The following CDC25C variants were observed in gnomAD, a reference collection of about 807,000 sequenced individuals.
The protein encoded by CDC25C is M-phase inducer phosphatase 3.
In CDC25C, 48 loss-of-function variants were observed where a neutral mutation model predicts 52.5. That is an observed-to-expected ratio of 0.91 (90% CI 0.72 to 1.16). The LOEUF is 1.16. Among genes scored for constraint, CDC25C ranks in the 50% most tolerant of loss-of-function variants. The pLI, the probability that CDC25C is intolerant of heterozygous loss-of-function variation, is 0.00. For missense variants in CDC25C, 510 were observed against 566.1 expected, an observed-to-expected ratio of 0.90 and a Z score of 1.01; for synonymous variants, 187 against 206.5, an observed-to-expected ratio of 0.91 and a Z score of 0.81.
intron 7 of CDC25C, among the ~76,000 whole-genome samples, chr5:138,308,890 A>C (rs1758232740): frequency 6.6e-6 from 1 of 152,118 alleles, no homozygotes; most frequent in African/African-American, 2.4e-5. Context: ...CATGGGTATC[A>C]CACCTTACCT....
intron 6 of CDC25C, among the ~76,000 whole-genome samples, chr5:138,325,302 T>A (rs1487490095): frequency 2.0e-5 from 3 of 152,156 alleles, no homozygotes; most frequent in African/African-American, 7.2e-5. Context: ...ACTATCTTAG[T>A]GATGAGGTGG....
chr5:138,316,629 T>A (rs1661454531), intron 7 of CDC25C, among the ~76,000 whole-genome samples: 1 of 152,010 alleles, frequency 6.6e-6, no homozygotes, highest in Admixed American at 6.5e-5. Context: ...AAGCACTTTC[T>A]CCCCTCTGAG....
At position 138,330,987 on chromosome 5, in the gene CDC25C, C is replaced by T. The variant is rs1760327230; in HGVS notation, c.194G>A (p.Gly65Glu). ...AGTGTAAAAATAAAAGTATATTTAC[C>T]CAGACAAAATGCTTAGGTTTGCAGA... ...GDSANLSILS[G>E]GTPKRCLDLS... The change falls in exon 2 of 14, where the codon GGA (glycine) becomes GAA (glutamate). Residue 65 changes from glycine (G) to glutamate (E), a missense_variant and splice_region_variant. Gly to Glu is a moderately conservative substitution (Grantham distance 98). Coordinates refer to ENST00000323760, the MANE Select transcript of CDC25C (RefSeq NM_001790.5). 1.9e-6 allele frequency: 3 copies of T among 1,596,512 alleles called. No homozygotes were observed. The highest frequency in any genetic ancestry group is 2.6e-6 in the Non-Finnish European group (3 of 1,164,232).
chr5:138,338,155 T>C, exon 1 of CDC25C: 1 of 1,289,594 alleles, frequency 7.8e-7, no homozygotes, highest in Non-Finnish European at 1.0e-6. Flanking sequence ...GCGCCCTCCA[T>C]GGGTGGCTTG....
intron 7 of CDC25C, among the ~76,000 whole-genome samples, chr5:138,317,682 T>TAAAAAAAAAAAA (rs70982706): frequency 1.8e-5 from 1 of 54,262 alleles, no homozygotes; most frequent in African/African-American, 7.7e-5. Context: ...CCTGTCTATC[T>TAAAAAAAAAAAA]AAAAAAAAAA....
At position 138,331,198 on chromosome 5, in the gene CDC25C, CAGG is replaced by C. The variant is rs758394345; in HGVS notation, c.-21_-19del. 1 of 1,613,196 alleles carries C rather than the reference CAGG, an allele frequency of 6.2e-7. No homozygotes were observed. The highest frequency in any genetic ancestry group is 1.1e-5 in the South Asian group (1 of 91,072). On this transcript the variant is annotated 5_prime_UTR_variant, in exon 2 of 14. Coordinates refer to ENST00000323760, the MANE Select transcript of CDC25C (RefSeq NM_001790.5). ...GTAGACATGGTCTTCGAATTCTCACCAGGAGAAAAACAAAACCTAGCTAGGAGG... is the reference window on the plus strand; with the variant it reads ...GTAGACATGGTCTTCGAATTCTCACCAGAAAAACAAAACCTAGCTAGGAGG...
chr5:138,308,985 A>G (rs1758239132), intron 7 of CDC25C, among the ~76,000 whole-genome samples: 2 of 152,130 alleles, frequency 1.3e-5, no homozygotes, highest in African/African-American at 4.8e-5. Context: ...ATGGATGTAT[A>G]CTGCTTAGCA....
intron 7 of CDC25C, among the ~76,000 whole-genome samples, chr5:138,310,819 T>C (rs1365842860): frequency 6.6e-6 from 1 of 152,214 alleles, no homozygotes; most frequent in Non-Finnish European, 1.5e-5. Context: ...TTTCCTTCAA[T>C]AGGGACTTCG....
intron 7 of CDC25C, among the ~76,000 whole-genome samples, chr5:138,292,491 A>AC (rs1756821608): frequency 1.3e-5 from 2 of 151,620 alleles, no homozygotes; most frequent in Non-Finnish European, 1.5e-5. Context: ...AAAAAAAAAA[A>AC]AAAAAAAAAA....
chr5:138,303,152 C>T (rs1319817861), intron 7 of CDC25C, among the ~76,000 whole-genome samples: 1 of 152,124 alleles, frequency 6.6e-6, no homozygotes, highest in Admixed American at 6.6e-5. Flanking sequence ...CTTCCTCAAC[C>T]TGATGATGGG....
intron 7 of CDC25C, among the ~76,000 whole-genome samples, chr5:138,298,238 A>G (rs1167651345): frequency 5.3e-5 from 8 of 150,684 alleles, no homozygotes; most frequent in African/African-American, 2.0e-4. Flanking sequence ...TGGGGCTCAA[A>G]TGTCCTCTTG....
At chr5:138,305,416 A>ATTG (rs1439744462) in intron 7 of CDC25C, among the ~76,000 whole-genome samples, 1 of 152,014 alleles carries the variant, frequency 6.6e-6, no homozygotes, top group Non-Finnish European at 1.5e-5. Context: ...TATTATTATT[A>ATTG]TTAGAAATGG....
intron 7 of CDC25C, among the ~76,000 whole-genome samples, chr5:138,296,137 A>G (rs904668385): frequency 1.3e-5 from 2 of 152,170 alleles, no homozygotes; most frequent in Admixed American, 6.5e-5. Context: ...TTCTCTAGCC[A>G]CATTATCTTT....
Position 138,331,511 on chromosome 5 carries a change from C to G in CDC25C, c.-39+84G>C. ...GATAGTCCCCATTCGGCCCTCCCAA[C>G]CTCTGTCTGTGGGGGCCCGACTGGA... On this transcript the variant is annotated intron_variant, in intron 1 of 13. Transcript: ENST00000323760. 4 of 1,051,658 alleles carry G rather than the reference C, an allele frequency of 3.8e-6. No homozygotes were observed. In the South Asian group the frequency reaches 7.2e-5, roughly 19 times the overall value. 65.1% of individuals were successfully genotyped at this position (1,051,658 alleles called of 1,614,324 possible).
intron 6 of CDC25C, among the ~76,000 whole-genome samples, chr5:138,319,766 T>G (rs1238012462): frequency 1.3e-5 from 2 of 152,138 alleles, no homozygotes; most frequent in Non-Finnish European, 2.9e-5. Flanking sequence ...AAATGGCCCA[T>G]AAGCACATCA....
At chr5:138,316,599 C>T (rs892650882) in intron 7 of CDC25C, among the ~76,000 whole-genome samples, 1 of 152,160 alleles carries the variant, frequency 6.6e-6, no homozygotes, top group African/African-American at 2.4e-5. Context: ...CCTTTTCTCA[C>T]AGTCCATGAA....
rs531466228 is a variant in CDC25C at position 138,327,008 on chromosome 5, G to C, written c.336-954C>G. 3.4e-5 allele frequency among the ~76,000 whole-genome samples: 5 copies of C among 146,954 alleles called. No homozygotes were observed. The East Asian group carries it at 8.1e-4, about 24-fold the overall frequency. ...GCGGGGGCTCACGCTTGTAATTCCA[G>C]CACTTTGGGAGGCCAAGGCGGGCGG... On this transcript the variant is annotated intron_variant, in intron 4 of 13. Transcript: ENST00000323760.
chr5:138,322,007 T>A (rs373478650), intron 6 of CDC25C, among the ~76,000 whole-genome samples: 1 of 151,970 alleles, frequency 6.6e-6, no homozygotes, highest in South Asian at 2.1e-4. Context: ...ATTATTATTT[T>A]ATTTTATTTT....
At chr5:138,334,448 T>C (rs1760589243), upstream of CDC25C, among the ~76,000 whole-genome samples, 1 of 152,026 alleles carries the variant, frequency 6.6e-6, no homozygotes, top group Non-Finnish European at 1.5e-5. Flanking sequence ...GCAACCTCTG[T>C]TCAAGTGATT....
Sources: allele counts gnomAD v4.1 joint callset (sites outside exome capture counted in the v4.1 genomes callset), GRCh38; gene constraint gnomAD v4.1.1; transcripts MANE v1.5; gene names NCBI Gene and HGNC (gene_info 2026-07-23, HGNC 2026-07-21).